The following ZNF555 variants were observed in gnomAD, a reference collection of about 807,000 sequenced individuals.
ZNF555 encodes zinc finger protein 555.
Under a neutral mutation model 14.0 loss-of-function variants are expected in ZNF555, and 10 were observed. The observed-to-expected ratio is 0.72, with a 90% CI of 0.44 to 1.21. The LOEUF (loss-of-function observed/expected upper bound fraction) is 1.21. Among genes scored for constraint, ZNF555 ranks in the 50% most tolerant of loss-of-function variants. The pLI, the probability that ZNF555 is intolerant of heterozygous loss-of-function variation, is 0.00. For missense variants in ZNF555, 747 were observed against 762.0 expected, an observed-to-expected ratio of 0.98 and a Z score of 0.23; for synonymous variants, 277 against 262.4, an observed-to-expected ratio of 1.06 and a Z score of -0.54.
intron 1 of ZNF555, among the ~76,000 whole-genome samples, chr19:2,846,809 GT>G (rs1422925940): frequency 1.3e-5 from 2 of 152,192 alleles, no homozygotes. Context: ...CAAATTGACA[GT>G]TAAAAATATG....
At chr19:2,848,805 C>T (rs1379127178) in intron 1 of ZNF555, among the ~76,000 whole-genome samples, 1 of 152,108 alleles carries the variant, frequency 6.6e-6, no homozygotes, top group Non-Finnish European at 1.5e-5. Context: ...CTGGTATGTA[C>T]ACAGATTCCA....
intron 1 of ZNF555, 78 bp from the exon 2 acceptor site, chr19:2,850,509 A>G (rs1427341523): frequency 6.4e-7 from 1 of 1,558,034 alleles, no homozygotes; most frequent in Non-Finnish European, 8.7e-7. Context: ...TCTTGTTTGA[A>G]CTACATACGA....
intron 1 of ZNF555, among the ~76,000 whole-genome samples, 197 bp downstream of exon 1, chr19:2,841,772 G>A (rs934901570): frequency 1.1e-4 from 17 of 151,552 alleles, no homozygotes; most frequent in African/African-American, 4.1e-4. Flanking sequence ...TCCGAGCTCC[G>A]GGTCCCCGCC....
chr19:2,855,551 A>G lies in ZNF555; in HGVS notation c.*1599A>G, dbSNP rs1026211823. ...GGGAGACGGGGAAAGACTCCATCAC[A>G]CAAGCAAGAAAAGAAAAAAAAATCC... On this transcript the variant is annotated 3_prime_UTR_variant, in exon 4 of 4. Transcript: ENST00000334241. 2.0e-5 allele frequency: 3 copies of G among 152,166 alleles called. No homozygotes were observed. The highest frequency in any genetic ancestry group is 7.2e-5 in the African/African-American group (3 of 41,424). The allele number at this position is 152,166 out of a possible 1,614,324, so 9.4% of individuals were successfully genotyped here. A position where few individuals can be genotyped will look rare whatever the true frequency, so the allele number is the denominator to read the frequency against.
Position 2,855,217 on chromosome 19 carries a change from C to T in ZNF555, c.*1265C>T, listed in dbSNP as rs1189087840. ...TAAATTATTAGGTTTGATTATGTATCATTAAAAATAATGTGGATTTTGTTT... is the reference window on the plus strand; with the variant it reads ...TAAATTATTAGGTTTGATTATGTATTATTAAAAATAATGTGGATTTTGTTT... On this transcript the variant is annotated 3_prime_UTR_variant, in exon 4 of 4. Transcript: ENST00000334241. The T allele has an allele frequency of 6.6e-6, 1 of 152,126 alleles. No individual in the cohort carries two copies. The highest frequency in any genetic ancestry group is 1.9e-4 in the East Asian group (1 of 5,194). 9.4% of individuals were successfully genotyped at this position (152,126 alleles called of 1,614,324 possible). A position where few individuals can be genotyped will look rare whatever the true frequency, so the allele number is the denominator to read the frequency against.
intron 1 of ZNF555, among the ~76,000 whole-genome samples, chr19:2,845,554 T>C (rs2087575311): frequency 6.6e-6 from 1 of 152,188 alleles, no homozygotes; most frequent in African/African-American, 2.4e-5. Context: ...TTCATAGAGG[T>C]TGTACTAACT....
At chr19:2,841,812 G>A (rs1255170233) in intron 1 of ZNF555, among the ~76,000 whole-genome samples, 1 of 151,592 alleles carries the variant, frequency 6.6e-6, no homozygotes, top group East Asian at 1.9e-4. Flanking sequence ...GCAGAGCGGG[G>A]AGCGGCGCCC....
chr19:2,844,649 C>T (rs1379253999), intron 1 of ZNF555, among the ~76,000 whole-genome samples: 3 of 152,234 alleles, frequency 2.0e-5, no homozygotes, highest in Non-Finnish European at 4.4e-5. Flanking sequence ...CACATTGTTG[C>T]ATAAACAGTT....
At position 2,853,393 on chromosome 19, in the gene ZNF555, T is replaced by C. The variant is rs145818821; in HGVS notation, c.1328T>C (p.Met443Thr). The C allele has an allele frequency of 5.6e-6, 9 of 1,613,830 alleles. No homozygotes were observed. The East Asian group carries it at 6.7e-5, about 12-fold the overall frequency. ...FNWPISLRKH[M>T]RTHTREKPYE... is the part of the protein sequence containing the mutation. ...TGGCCCATATCTTTACGAAAACATATGAGAACACATACTAGAGAGAAACCC... is the reference window on the plus strand; with the variant it reads ...TGGCCCATATCTTTACGAAAACATACGAGAACACATACTAGAGAGAAACCC... The change falls in exon 4 of 4, where the codon ATG becomes ACG. Residue 443 changes from methionine to threonine, a missense_variant. Transcript: ENST00000334241.
In ZNF555 at chr19:2,853,753, C is replaced by T. The variant is rs781525895; in HGVS notation, c.1688C>T (p.Pro563Leu). 8.9e-5 allele frequency: 142 copies of T among 1,602,752 alleles called. No individual in the cohort carries two copies. The highest frequency in any genetic ancestry group is 1.1e-4 in the Non-Finnish European group (134 of 1,174,452). The change falls in exon 4 of 4, where the codon CCT (proline) becomes CTT (leucine). Residue 563 changes from proline to leucine, a missense_variant. Coordinates refer to ENST00000334241, the MANE Select transcript of ZNF555 (RefSeq NM_152791.5). ...IHMRLHTGEK[P>L]YQCKHCGKAF... Reference sequence around the variant, plus strand: ...ATGAGACTGCACACTGGAGAGAAACCTTATCAATGTAAGCATTGTGGGAAA... The same window carrying T: ...ATGAGACTGCACACTGGAGAGAAACTTTATCAATGTAAGCATTGTGGGAAA...
At chr19:2,844,799 G>A (rs985281374) in intron 1 of ZNF555, among the ~76,000 whole-genome samples, 12 of 152,080 alleles carry the variant, frequency 7.9e-5, no homozygotes, top group South Asian at 2.1e-4. Context: ...CTCTTCCTGC[G>A]TCCACCCCCT....
intron 1 of ZNF555, among the ~76,000 whole-genome samples, chr19:2,841,963 C>T (rs959032096): frequency 4.6e-5 from 7 of 151,990 alleles, no homozygotes; most frequent in Non-Finnish European, 1.5e-5. Flanking sequence ...CAGAGTCGCC[C>T]GAGACCCCGA....
chr19:2,850,742 GTAGT>G, intron 2 of ZNF555, 29 bp downstream of exon 2: 1 of 1,610,556 alleles, frequency 6.2e-7, no homozygotes. Flanking sequence ...CTTCCTTCAC[GTAGT>G]TATTGAGAGA....
At chr19:2,845,029 G>C (rs1268221522) in intron 1 of ZNF555, among the ~76,000 whole-genome samples, 1 of 152,134 alleles carries the variant, frequency 6.6e-6, no homozygotes, top group Non-Finnish European at 1.5e-5. Flanking sequence ...AGGGAATATT[G>C]CATGATGCTG....
chr19:2,846,119 T>C (rs1468338898), intron 1 of ZNF555, among the ~76,000 whole-genome samples: 2 of 152,220 alleles, frequency 1.3e-5, no homozygotes, highest in Non-Finnish European at 2.9e-5. Context: ...AGTTTAGTCC[T>C]CAGTTTCAGA....
intron 1 of ZNF555, among the ~76,000 whole-genome samples, chr19:2,847,753 C>T (rs1018307713): frequency 6.6e-6 from 1 of 152,162 alleles, no homozygotes; most frequent in Non-Finnish European, 1.5e-5. Flanking sequence ...ATCCTATTTA[C>T]AAATAAGGTT....
intron 2 of ZNF555, 135 bp downstream of exon 2, chr19:2,850,848 C>T (rs1213127464): frequency 4.6e-6 from 5 of 1,087,472 alleles, no homozygotes; most frequent in Non-Finnish European, 6.6e-6. Context: ...TCACAGCTGT[C>T]ATAGAGCTAG....
chr19:2,851,359 C>G, intron 2 of ZNF555, 109 bp from the exon 3 acceptor site: 1 of 866,438 alleles, frequency 1.2e-6, no homozygotes, highest in Admixed American at 3.3e-5. Context: ...AGTTGCTTAC[C>G]TTTTTGACCA....
In ZNF555 at chr19:2,853,758, C is replaced by T. The variant is rs1325555951; in HGVS notation, c.1693C>T (p.Gln565Ter). ...ACTGCACACTGGAGAGAAACCTTAT[C>T]AATGTAAGCATTGTGGGAAAGCATT... The part of the protein sequence containing the change: ...MRLHTGEKPY[Q>*]CKHCGKAFNC... Residue 565 changes from glutamine to a stop codon, truncating the protein, a stop_gained, in exon 4 of 4, where the codon CAA becomes TAA. Transcript: ENST00000334241. LOFTEE classifies it low-confidence loss of function (END_TRUNC). 1 of 1,603,628 alleles carries T rather than the reference C, an allele frequency of 6.2e-7. No individual in the cohort carries two copies. The highest frequency in any genetic ancestry group is 8.5e-7 in the Non-Finnish European group (1 of 1,174,886).
Sources: gnomAD v4.1 joint callset for allele counts (sites outside exome capture counted in the v4.1 genomes callset) on GRCh38, gnomAD v4.1.1 for gene constraint, MANE v1.5 for transcripts, NCBI Gene and HGNC (gene_info 2026-07-23, HGNC 2026-07-21) for gene names.